RBFOX1: variants seen among roughly 807,000 people sequenced by gnomAD.
The protein encoded by RBFOX1 is RNA binding fox-1 homolog 1.
Under a neutral mutation model 57.7 loss-of-function variants are expected in RBFOX1, and 8 were observed. The ratio of observed to expected loss-of-function variants is 0.14; its 90% CI spans 0.08 to 0.25. RBFOX1 has a LOEUF of 0.25. Among genes scored for constraint, RBFOX1 ranks in the 10% least tolerant of loss-of-function variants. The pLI, the probability that RBFOX1 is intolerant of heterozygous loss-of-function variation, is 1.00. For missense variants in RBFOX1, 611 were observed against 548.5 expected, an observed-to-expected ratio of 1.11 and a Z score of -1.14; for synonymous variants, 326 against 222.4, an observed-to-expected ratio of 1.47 and a Z score of -4.15.
intron 3 of RBFOX1, among the ~76,000 whole-genome samples, chr16:5,737,221 C>T (rs917370139): frequency 1.7e-4 from 26 of 152,172 alleles, no homozygotes; most frequent in East Asian, 1.2e-3. Flanking sequence ...CAGTTGCTCA[C>T]GCCTGTAATC....
chr16:6,373,615 A>AG (rs2090782772), intron 2 of RBFOX1, among the ~76,000 whole-genome samples: 1 of 151,542 alleles, frequency 6.6e-6, no homozygotes, highest in East Asian at 2.0e-4. Flanking sequence ...ATGGTTGGCA[A>AG]AATCTTTGAG....
intron 3 of RBFOX1, among the ~76,000 whole-genome samples, chr16:5,773,259 GAAGA>G (rs747418441): frequency 2.6e-5 from 4 of 152,162 alleles, no homozygotes; most frequent in Admixed American, 6.5e-5. Context: ...TAAAGCATGT[GAAGA>G]AAGAAAGAGA....
At chr16:6,516,220 G>A (rs1001804865) in intron 2 of RBFOX1, among the ~76,000 whole-genome samples, 11 of 152,250 alleles carry the variant, frequency 7.2e-5, no homozygotes, top group African/African-American at 2.6e-4. Flanking sequence ...GTAGTGACAG[G>A]ATTTTGCCAT....
Position 7,158,117 on chromosome 16 carries a change from G to T in RBFOX1, c.27+106019G>T, listed in dbSNP as rs375718460. ...TAATTCCAGCATTTTGGGAGGACAAGGTGGGCGGATCACAAGGTCAGGAGT... is the reference window on the plus strand; with the variant it reads ...TAATTCCAGCATTTTGGGAGGACAATGTGGGCGGATCACAAGGTCAGGAGT... On this transcript the variant is annotated intron_variant, in intron 4 of 15. Coordinates refer to ENST00000550418, the MANE Select transcript of RBFOX1 (RefSeq NM_018723.4). Among the ~76,000 whole-genome samples the T allele has an allele frequency of 5.3e-5, 8 of 152,114 alleles. No individual in the cohort carries two copies. The South Asian group carries it at 6.2e-4, about 12-fold the overall frequency.
intron 4 of RBFOX1, among the ~76,000 whole-genome samples, chr16:7,163,648 G>GT (rs955140306): frequency 5.9e-5 from 9 of 151,500 alleles, no homozygotes; most frequent in South Asian, 2.1e-4. Context: ...GTGTTTTTCT[G>GT]TTTTTTTAAT....
intron 2 of RBFOX1, among the ~76,000 whole-genome samples, chr16:6,591,967 G>A (rs774953156): frequency 6.6e-5 from 10 of 152,196 alleles, no homozygotes; most frequent in Non-Finnish European, 1.3e-4. Context: ...TTTGATGGGT[G>A]TCTACTGTGG....
chr16:7,631,143 G>T (rs1409126181), intron 11 of RBFOX1, among the ~76,000 whole-genome samples: 1 of 150,758 alleles, frequency 6.6e-6, no homozygotes, highest in Non-Finnish European at 1.5e-5. Context: ...AGGCTGTTCT[G>T]TCCTTTGCTA....
chr16:6,904,559 C>T lies in RBFOX1; in HGVS notation c.-15-147498C>T, dbSNP rs372895391. ...GATGTTGCAGTGAGCTGAGATCATG[C>T]CATTGCACTCCAGCCTGGGTGACAG... is the stretch of plus-strand genomic sequence containing the variant. On this transcript the variant is annotated intron_variant, in intron 3 of 15. Transcript: ENST00000550418. Among the ~76,000 whole-genome samples the T allele has an allele frequency of 1.8e-4, 24 of 135,818 alleles. No individual in the cohort carries two copies. In the East Asian group the frequency reaches 4.3e-3, roughly 24 times the overall value. The allele number at this position is 135,818 out of a possible 152,430, so 89.1% of individuals were successfully genotyped here. A position where few individuals can be genotyped will look rare whatever the true frequency, so the allele number is the denominator to read the frequency against.
At chr16:5,369,291 C>T (rs1164433976) in intron 1 of RBFOX1, among the ~76,000 whole-genome samples, 1 of 152,164 alleles carries the variant, frequency 6.6e-6, no homozygotes, top group African/African-American at 2.4e-5. Context: ...CATAAGCCAC[C>T]GTGCCTGGCC....
intron 1 of RBFOX1, among the ~76,000 whole-genome samples, chr16:6,091,868 A>G (rs1039408647): frequency 2.6e-5 from 4 of 152,134 alleles, no homozygotes; most frequent in Non-Finnish European, 5.9e-5. Flanking sequence ...TGTTGAATAA[A>G]TGGTCCTCTA....
chr16:5,878,949 G>A (rs1338037966), intron 4 of RBFOX1, among the ~76,000 whole-genome samples: 2 of 152,150 alleles, frequency 1.3e-5, no homozygotes, highest in Admixed American at 6.5e-5. Flanking sequence ...TCAAACATCT[G>A]ACGCGTTTTA....
intron 1 of RBFOX1, among the ~76,000 whole-genome samples, chr16:6,245,044 C>T (rs538621484): frequency 4.6e-5 from 7 of 152,184 alleles, no homozygotes; most frequent in East Asian, 3.9e-4. Flanking sequence ...TATTCTTCCT[C>T]GTCCTCTTGT....
chr16:5,935,904 A>G (rs566518068), intron 4 of RBFOX1, among the ~76,000 whole-genome samples: 2 of 152,254 alleles, frequency 1.3e-5, no homozygotes, highest in East Asian at 3.9e-4. Context: ...TAATGGCTAC[A>G]GAAGTACAAG....
chr16:5,425,840 C>T (rs1472710934), intron 1 of RBFOX1, among the ~76,000 whole-genome samples: 1 of 152,170 alleles, frequency 6.6e-6, no homozygotes, highest in East Asian at 1.9e-4. Context: ...GGGCTCATTC[C>T]AGCTCTTAGA....
chr16:6,852,723 G>GGAACTAGCTGTCTAGGTGAGATGCAT, intron 3 of RBFOX1, among the ~76,000 whole-genome samples: 1 of 147,822 alleles, frequency 6.8e-6, no homozygotes, highest in Admixed American at 6.7e-5. Flanking sequence ...GCGAGGCGTG[G>GGAACTAGCTGTCTAGGTGAGATGCAT]GCTGGGAACT....
chr16:7,237,737 G>A (rs1025789617), intron 4 of RBFOX1, among the ~76,000 whole-genome samples: 3 of 152,212 alleles, frequency 2.0e-5, no homozygotes, highest in Non-Finnish European at 4.4e-5. Flanking sequence ...ACTGTGTGGT[G>A]GCTCTAGCCT....
chr16:7,438,830 C>G (rs910754682), intron 4 of RBFOX1, among the ~76,000 whole-genome samples: 2 of 152,156 alleles, frequency 1.3e-5, no homozygotes, highest in African/African-American at 4.8e-5. Context: ...AGACTTTCAA[C>G]CACGCCAAGC....
At chr16:7,564,844 C>A (rs2152709708) in intron 5 of RBFOX1, among the ~76,000 whole-genome samples, 2 of 152,164 alleles carry the variant, frequency 1.3e-5, no homozygotes, top group East Asian at 3.9e-4. Flanking sequence ...CGGAGTCAGC[C>A]CTTCTCTGTC....
At chr16:7,520,207 A>G (rs984192814) in intron 5 of RBFOX1, among the ~76,000 whole-genome samples, 18 of 152,180 alleles carry the variant, frequency 1.2e-4, no homozygotes, top group African/African-American at 3.9e-4. Flanking sequence ...TTTTTTAAAA[A>G]AATGGTATAC....
Sources: allele counts gnomAD v4.1 joint callset (sites outside exome capture counted in the v4.1 genomes callset), GRCh38; gene constraint gnomAD v4.1.1; transcripts MANE v1.5; gene names NCBI Gene and HGNC (gene_info 2026-07-23, HGNC 2026-07-21).